Variants in BCORL1 observed in about 807,000 individuals in gnomAD.
BCORL1 encodes the protein BCL6 corepressor like 1.
In BCORL1, 7 loss-of-function variants were observed where a neutral mutation model predicts 87.6. That is an observed-to-expected ratio of 0.08 (90% confidence interval 0.05 to 0.15). The LOEUF is 0.15. Ranked by LOEUF, BCORL1 falls within the 10% of genes least tolerant of loss-of-function variation. The pLI is 1.00. For missense variants in BCORL1, 1,215 were observed against 1,499.7 expected (o/e 0.81, Z 3.13); for synonymous variants, 591 against 634.4 (o/e 0.93, Z 1.03).
At chrX:130,038,372 TC>T (rs1334207049) in intron 10 of BCORL1, among the ~76,000 whole-genome samples, 1 of 111,430 alleles carries the variant, frequency 9.0e-6, no homozygotes, top group Non-Finnish European at 1.9e-5. Flanking sequence ...AGGAGGGGGC[TC>T]CGCTTGGGTT....
chrX:130,016,745 G>A (rs768817805), intron 4 of BCORL1, among the ~76,000 whole-genome samples: 2 of 111,375 alleles, frequency 1.8e-5, no homozygotes, highest in East Asian at 5.6e-4. Flanking sequence ...TTTCCTACCC[G>A]CTCGAATGCT....
In BCORL1 at chrX:130,056,166, C is replaced by T; in HGVS notation, c.*30C>T. The stretch of plus-strand genomic sequence containing the variant: ...GAAAACAGCCCCTCCTCTTCTTTCT[C>T]CTTCCGAGTTCGCCCTTCCCCCACC... On this transcript the variant is annotated 3_prime_UTR_variant, in exon 14 of 14. Coordinates refer to ENST00000540052, the MANE Select transcript of BCORL1 (RefSeq NM_001379451.1). The T allele has an allele frequency of 8.9e-7, 1 of 1,127,115 alleles. No individual in the cohort carries two copies. The highest frequency in any genetic ancestry group is 3.0e-5 in the Admixed American group (1 of 33,485). The allele number at this position is 1,127,115 out of a possible 1,213,427, so 92.9% of individuals were successfully genotyped here.
intron 1 of BCORL1, among the ~76,000 whole-genome samples, chrX:129,992,402 A>T (rs1379448451): frequency 8.9e-6 from 1 of 112,104 alleles, no homozygotes; most frequent in African/African-American, 3.2e-5. Context: ...GTGAGCTGTG[A>T]TTGTGCCAGT....
Position 130,013,883 on chromosome X carries a change from A to G in BCORL1, c.1111A>G (p.Thr371Ala). The change falls in exon 4 of 14, where the codon ACC becomes GCC. Residue 371 changes from threonine to alanine, a missense_variant. Physicochemically the swap from Thr to Ala is moderately conservative, Grantham distance 58. Transcript: ENST00000540052. ...TPSSGPPSTPTLIPAFAPTPV... is the reference protein window; with the variant it reads ...TPSSGPPSTPALIPAFAPTPV... ...ATCTTCCGGCCCACCTTCTACCCCC[A>G]CCCTCATCCCCGCCTTTGCTCCTAC... 2 of 1,029,021 alleles carry G rather than the reference A, an allele frequency of 1.9e-6. No individual in the cohort carries two copies. Among genetic ancestry groups the G allele is most frequent in the East Asian group, 8.2e-5 (2 of 24,454 alleles). 84.8% of individuals were successfully genotyped at this position (1,029,021 alleles called of 1,213,427 possible).
chrX:130,003,841 C>A (rs1412291944), intron 1 of BCORL1, among the ~76,000 whole-genome samples: 2 of 112,020 alleles, frequency 1.8e-5, no homozygotes, highest in Non-Finnish European at 3.8e-5. Context: ...TAGGATGGTG[C>A]TGGCTCATAG....
intron 1 of BCORL1, among the ~76,000 whole-genome samples, chrX:130,003,352 C>CCTTCTT (rs756573324): frequency 3.3e-4 from 34 of 103,958 alleles, no homozygotes; most frequent in African/African-American, 1.2e-3. Context: ...TCCTCCTCCT[C>CCTTCTT]CTTCTTCTTC....
At chrX:129,985,882 CT>C (rs1926566111) in intron 1 of BCORL1, among the ~76,000 whole-genome samples, 1 of 108,976 alleles carries the variant, frequency 9.2e-6, no homozygotes, top group African/African-American at 3.3e-5. Flanking sequence ...TAGATGGAGT[CT>C]CAGTCGCCCA....
intron 1 of BCORL1, among the ~76,000 whole-genome samples, chrX:130,001,880 C>T (rs780332395): frequency 9.1e-6 from 1 of 110,371 alleles, no homozygotes; most frequent in East Asian, 2.8e-4. Context: ...CATGATCGAA[C>T]TGGCGCTTTA....
intron 2 of BCORL1, among the ~76,000 whole-genome samples, chrX:130,008,105 G>A (rs1464380547): frequency 1.8e-5 from 2 of 109,705 alleles, no homozygotes; most frequent in African/African-American, 6.7e-5. Context: ...TGTATTTTTA[G>A]TAGAGACAGG....
chrX:130,022,969 G>A lies in BCORL1; in HGVS notation c.3680G>A (p.Ser1227Asn). The A allele has an allele frequency of 8.3e-7, 1 of 1,205,105 alleles. No homozygotes were observed. Among genetic ancestry groups the A allele is most frequent in the Non-Finnish European group, 1.1e-6 (1 of 889,291 alleles). The stretch of plus-strand genomic sequence containing the variant: ...GTGGTTCTGAGCACCCGCACGCGCA[G>A]TCAGTCTGGTGAGTGAGACTAAGGT... ...IPVVLSTRTR[S>N]QSGSICSSFA... The change falls in exon 6 of 14, where the codon AGT becomes AAT. Residue 1227 changes from serine to asparagine, a missense_variant. Physicochemically the swap from Ser to Asn is conservative, Grantham distance 46. Transcript: ENST00000540052.
chrX:129,999,691 C>A (rs61181089), intron 1 of BCORL1, among the ~76,000 whole-genome samples: 3 of 103,002 alleles, frequency 2.9e-5, no homozygotes, highest in Admixed American at 1.1e-4. Context: ...TTTTCCCCCC[C>A]CCCAGACAGA....
intron 2 of BCORL1, 139 bp from the exon 3 acceptor site, chrX:130,012,439 C>A: frequency 2.0e-6 from 1 of 508,763 alleles, no homozygotes; most frequent in East Asian, 3.3e-5. Flanking sequence ...TCCTTGTAAT[C>A]CCCCTCACAA....
Position 130,025,066 on chromosome X carries a change from A to G in BCORL1, c.3765A>G (p.Glu1255=). The change falls in exon 7 of 14, where the codon GAA becomes GAG. Residue 1255 remains glutamate, a synonymous_variant. Coordinates refer to ENST00000540052, the MANE Select transcript of BCORL1 (RefSeq NM_001379451.1). The stretch of plus-strand genomic sequence containing the variant: ...AGGAAGTCTTCCCCACAGAAGAAGA[A>G]GAGGAGGTAACCCCCACCCCAGCTA... ...GSQEVFPTEE[E]EEVTPTPAKR... 1 of 1,212,002 alleles carries G rather than the reference A, an allele frequency of 8.3e-7. No individual in the cohort carries two copies. Among genetic ancestry groups the G allele is most frequent in the Non-Finnish European group, 1.1e-6 (1 of 895,495 alleles).
intron 4 of BCORL1, among the ~76,000 whole-genome samples, chrX:130,019,040 A>T (rs1483009956): frequency 8.9e-6 from 1 of 112,269 alleles, no homozygotes; most frequent in East Asian, 2.8e-4. Context: ...GTTCTGCTTC[A>T]TTTGGTGCTG....
In BCORL1 at chrX:130,015,465, A is replaced by C; in HGVS notation, c.2693A>C (p.Glu898Ala). 8.2e-7 allele frequency: 1 copy of C among 1,212,157 alleles called. No homozygotes were observed. Among genetic ancestry groups the C allele is most frequent in the Non-Finnish European group, 1.1e-6 (1 of 895,558 alleles). Residue 898 changes from glutamate (E) to alanine (A), a missense_variant, in exon 4 of 14, where the codon GAG becomes GCG. Physicochemically the swap from Glu to Ala is moderately radical, Grantham distance 107. Coordinates refer to ENST00000540052, the MANE Select transcript of BCORL1 (RefSeq NM_001379451.1). Reference protein sequence around the residue: ...QPRPGGSFVPEQDPVTKNKTC... With the variant: ...QPRPGGSFVPAQDPVTKNKTC... ...CGGCCTGGGGGCTCCTTCGTTCCAG[A>C]GCAGGACCCTGTTACAAAGAACAAA...
At chrX:129,986,777 C>T (rs756695381) in intron 1 of BCORL1, among the ~76,000 whole-genome samples, 102 of 111,414 alleles carry the variant, frequency 9.2e-4, no homozygotes, top group Non-Finnish European at 1.4e-3. Flanking sequence ...CAAGATCGTG[C>T]CACTGCACTC....
rs774186193 is a variant in BCORL1 at position 129,988,279 on chromosome X, A to G, written c.-45+5517A>G. The stretch of plus-strand genomic sequence containing the variant: ...TAAATCATTCCCTTTCCCACTGTTC[A>G]TAACTTAAAAGCAATCTTTTATGAT... On this transcript the variant is annotated intron_variant, in intron 1 of 13. Coordinates refer to ENST00000540052, the MANE Select transcript of BCORL1 (RefSeq NM_001379451.1). 3.6e-5 allele frequency among the ~76,000 whole-genome samples: 4 copies of G among 111,893 alleles called. No individual in the cohort carries two copies. The South Asian group carries it at 1.1e-3, about 31-fold the overall frequency.
intron 11 of BCORL1, among the ~76,000 whole-genome samples, chrX:130,046,458 C>T (rs957208542): frequency 9.1e-5 from 10 of 109,521 alleles, no homozygotes; most frequent in African/African-American, 1.3e-4. Flanking sequence ...GGCTCACTGA[C>T]GCCTCCGCCT....
At chrX:130,043,746 TTATATATATATATATATA>T (rs55637661) in intron 11 of BCORL1, among the ~76,000 whole-genome samples, 1 of 17,481 alleles carries the variant, frequency 5.7e-5, no homozygotes, top group Non-Finnish European at 8.1e-5. Context: ...AGCTAATTTG[TTATATATATATATATATA>T]TATATATATA....
Sources: allele counts gnomAD v4.1 joint callset (sites outside exome capture counted in the v4.1 genomes callset), GRCh38; gene constraint gnomAD v4.1.1; transcripts MANE v1.5; gene names NCBI Gene and HGNC (gene_info 2026-07-23, HGNC 2026-07-21).